KAZN: variants seen among roughly 807,000 people sequenced by gnomAD.
KAZN encodes the protein kazrin, periplakin interacting protein, also known as kazrin.
Under a neutral mutation model 87.4 loss-of-function variants are expected in KAZN, and 40 were observed. The ratio of observed to expected loss-of-function variants is 0.46; its 90% CI spans 0.36 to 0.60. The LOEUF is 0.60. Among genes scored for constraint, KAZN ranks in the 20% least tolerant of loss-of-function variants. The pLI is 0.00. For missense variants in KAZN, 898 were observed against 1,073.9 expected (o/e 0.84, Z 2.29); for synonymous variants, 466 against 458.3 (o/e 1.02, Z -0.22).
chr1:15,103,292 C>T, intron 11 of KAZN, 67 bp from the exon 12 acceptor site: 2 of 1,176,060 alleles, frequency 1.7e-6, no homozygotes, highest in Non-Finnish European at 2.5e-6. Flanking sequence ...TGCGGGGCAC[C>T]CCCACTCCAC....
At chr1:14,177,162 A>G (rs1646095841) in intron 1 of KAZN, among the ~76,000 whole-genome samples, 1 of 152,162 alleles carries the variant, frequency 6.6e-6, no homozygotes, top group Non-Finnish European at 1.5e-5. Flanking sequence ...CATCTCAAAA[A>G]AAAAGACAAT....
At chr1:14,708,716 C>T (rs1048288674) in intron 1 of KAZN, among the ~76,000 whole-genome samples, 4 of 152,200 alleles carry the variant, frequency 2.6e-5, no homozygotes, top group Admixed American at 1.3e-4. Flanking sequence ...TCAAGAGCAG[C>T]TAATTCTCAC....
At chr1:15,097,864 A>G (rs1640868934) in intron 10 of KAZN, among the ~76,000 whole-genome samples, 1 of 152,220 alleles carries the variant, frequency 6.6e-6, no homozygotes, top group Admixed American at 6.5e-5. Context: ...TCATGAGCAT[A>G]AAGTCACACT....
chr1:14,004,334 A>G (rs1639943112), intron 1 of KAZN, among the ~76,000 whole-genome samples: 1 of 152,224 alleles, frequency 6.6e-6, no homozygotes, highest in South Asian at 2.1e-4. Flanking sequence ...AATGTTGAGA[A>G]TACATTCCTA....
chr1:14,050,792 C>A (rs576522618), intron 1 of KAZN, among the ~76,000 whole-genome samples: 1 of 152,186 alleles, frequency 6.6e-6, no homozygotes, highest in Non-Finnish European at 1.5e-5. Context: ...GTGCTGAGGA[C>A]CCGGCCCATC....
chr1:14,170,033 G>C (rs1645919537), intron 1 of KAZN, among the ~76,000 whole-genome samples: 1 of 152,082 alleles, frequency 6.6e-6, no homozygotes, highest in Non-Finnish European at 1.5e-5. Flanking sequence ...TCTGAACATG[G>C]GCTTGGCTTT....
At chr1:14,498,413 CA>C (rs1670066753) in intron 2 of KAZN, among the ~76,000 whole-genome samples, 1 of 152,190 alleles carries the variant, frequency 6.6e-6, no homozygotes, top group Non-Finnish European at 1.5e-5. Flanking sequence ...GAGGGTAGGC[CA>C]GGCACGATGG....
At chr1:14,345,043 C>T (rs565622557) in intron 2 of KAZN, among the ~76,000 whole-genome samples, 12 of 152,048 alleles carry the variant, frequency 7.9e-5, no homozygotes, top group Middle Eastern at 3.4e-3. Context: ...CTCAGCCTTC[C>T]GAGTAGCTGG....
chr1:14,611,211 G>T lies in KAZN; in HGVS notation c.226+11988G>T, dbSNP rs552727091. On this transcript the variant is annotated intron_variant, in intron 1 of 14. Transcript: ENST00000376030. ...TGCTGAGGTCCACTGACTCCTAAGT[G>T]GCAAGTCCAATGGCTGGGACTCTGA... 4.6e-5 allele frequency among the ~76,000 whole-genome samples: 7 copies of T among 152,284 alleles called. No individual in the cohort carries two copies. In the South Asian group the frequency reaches 1.5e-3, roughly 32 times the overall value.
At chr1:14,480,006 G>C (rs1571753349) in intron 2 of KAZN, among the ~76,000 whole-genome samples, 1 of 152,242 alleles carries the variant, frequency 6.6e-6, no homozygotes, top group East Asian at 1.9e-4. Flanking sequence ...AAAGAGCTGA[G>C]TCACTGCTTT....
intron 2 of KAZN, among the ~76,000 whole-genome samples, chr1:15,029,331 G>A (rs970620605): frequency 9.8e-5 from 15 of 152,338 alleles, no homozygotes; most frequent in African/African-American, 3.6e-4. Flanking sequence ...CTGGCGTACA[G>A]TAGGTGCTTA....
At chr1:15,020,003 G>A (rs183562811) in intron 2 of KAZN, among the ~76,000 whole-genome samples, 1 of 152,214 alleles carries the variant, frequency 6.6e-6, no homozygotes, top group East Asian at 1.9e-4. Flanking sequence ...GACTGAGCTG[G>A]ACTTGAACCC....
chr1:14,595,848 C>CT (rs1018362613), upstream of KAZN, among the ~76,000 whole-genome samples: 1 of 151,854 alleles, frequency 6.6e-6, no homozygotes, highest in Non-Finnish European at 1.5e-5. Context: ...GAAAAAGCCC[C>CT]TTTTTTTCAT....
chr1:14,302,083 T>A (rs1033540418), intron 2 of KAZN, among the ~76,000 whole-genome samples: 1 of 152,178 alleles, frequency 6.6e-6, no homozygotes, highest in African/African-American at 2.4e-5. Context: ...CCTGGATAAA[T>A]GTGTGGAAAA....
At chr1:14,294,659 G>T (rs1653978723) in intron 2 of KAZN, among the ~76,000 whole-genome samples, 1 of 142,884 alleles carries the variant, frequency 7.0e-6, no homozygotes, top group Non-Finnish European at 1.5e-5. Flanking sequence ...AGTTTCCCTG[G>T]CAGGGTTTTT....
chr1:14,013,133 C>T (rs1211950686), intron 1 of KAZN, among the ~76,000 whole-genome samples: 1 of 152,216 alleles, frequency 6.6e-6, no homozygotes, highest in Non-Finnish European at 1.5e-5. Flanking sequence ...TGCATCCTCA[C>T]TTCCTTCAAT....
At chr1:15,073,261 A>G (rs1308820323) in intron 8 of KAZN, among the ~76,000 whole-genome samples, 1 of 152,214 alleles carries the variant, frequency 6.6e-6, no homozygotes, top group Admixed American at 6.5e-5. Flanking sequence ...AAAGATATCC[A>G]TTCCCAGGCC....
At chr1:14,304,942 GT>G (rs35013885) in intron 2 of KAZN, among the ~76,000 whole-genome samples, 29,161 of 144,406 alleles carry the variant, frequency 0.2, 3,122 homozygotes, top group African/African-American at 0.31. Context: ...GCCAAAGCTA[GT>G]TTTTTTTTTT....
chr1:14,233,365 G>A (rs72644425), intron 2 of KAZN, among the ~76,000 whole-genome samples: 4,787 of 152,206 alleles, frequency 0.031, 115 homozygotes, highest in Middle Eastern at 0.058. Context: ...AAACTCCCAG[G>A]TTCAAGCAAT....
Sources: allele counts gnomAD v4.1 joint callset (sites outside exome capture counted in the v4.1 genomes callset), GRCh38; gene constraint gnomAD v4.1.1; transcripts MANE v1.5; gene names NCBI Gene and HGNC (gene_info 2026-07-23, HGNC 2026-07-21).